NEDD9: variants seen among roughly 807,000 people sequenced by gnomAD.
NEDD9 encodes the protein neural precursor cell expressed, developmentally down-regulated 9.
NEDD9 carries 26 observed loss-of-function variants against 76.6 expected under a neutral mutation model. The observed-to-expected ratio is 0.34, with a 90% confidence interval of 0.25 to 0.47. NEDD9 has a LOEUF of 0.47. NEDD9 is among the 20% of genes least tolerant of loss of function. The pLI is 1.00. For synonymous variants in NEDD9, 392 were observed against 414.2 expected (o/e 0.95, Z 0.65); for missense variants, 937 against 1,058.5 (o/e 0.89, Z 1.59).
chr6:11,355,475 A>G (rs1198426387), intron 1 of NEDD9, among the ~76,000 whole-genome samples: 2 of 152,176 alleles, frequency 1.3e-5, no homozygotes, highest in Non-Finnish European at 2.9e-5. Flanking sequence ...GAAGTCTCCG[A>G]CCTAGGGTGA....
chr6:11,297,473 C>T (rs1272640535), intron 3 of NEDD9, among the ~76,000 whole-genome samples: 1 of 152,202 alleles, frequency 6.6e-6, no homozygotes, highest in African/African-American at 2.4e-5. Flanking sequence ...TCCATGCCTT[C>T]ACTCATGGTG....
At chr6:11,205,117 G>A (rs1315559490) in intron 2 of NEDD9, among the ~76,000 whole-genome samples, 1 of 152,224 alleles carries the variant, frequency 6.6e-6, no homozygotes, top group Non-Finnish European at 1.5e-5. Context: ...TAGCATTGGA[G>A]TCAGACAGAC....
At chr6:11,311,996 T>C (rs4713397) in intron 2 of NEDD9, among the ~76,000 whole-genome samples, 11,924 of 152,232 alleles carry the variant, frequency 0.078, 600 homozygotes, top group Admixed American at 0.16. Context: ...TGCTAGTCTG[T>C]CTGGGTGTTT....
chr6:11,276,626 T>G (rs1760422399), intron 3 of NEDD9, among the ~76,000 whole-genome samples: 1 of 152,024 alleles, frequency 6.6e-6, no homozygotes, highest in African/African-American at 2.4e-5. Context: ...CTCATTAGGA[T>G]TTTTTTTAAC....
chr6:11,312,976 G>T (rs1357709588), intron 2 of NEDD9, among the ~76,000 whole-genome samples: 1 of 152,108 alleles, frequency 6.6e-6, no homozygotes, highest in African/African-American at 2.4e-5. Flanking sequence ...AATTCTTAAG[G>T]TGACTCATAA....
intron 3 of NEDD9, among the ~76,000 whole-genome samples, chr6:11,255,902 T>C (rs1306960504): frequency 1.3e-5 from 2 of 152,118 alleles, no homozygotes; most frequent in Non-Finnish European, 2.9e-5. Flanking sequence ...TGCAGAAATT[T>C]GGGCAGAAGT....
rs1377583566 is a variant in NEDD9, at chr6:11,370,543, TC to T, written c.-214+11595del. Among the ~76,000 whole-genome samples the T allele has an allele frequency of 6.6e-6, 1 of 152,120 alleles. No homozygotes were observed. Among genetic ancestry groups the T allele is most frequent in the Non-Finnish European group, 1.5e-5 (1 of 68,028 alleles). ...AGGCTCTCCTCAAGCCGCCTTTTCTTCCCCTCACAATCTCCTCATGCTTTTC... is the reference window on the plus strand; with the variant it reads ...AGGCTCTCCTCAAGCCGCCTTTTCTTCCCTCACAATCTCCTCATGCTTTTC... On this transcript the variant is annotated intron_variant, in intron 1 of 3. Coordinates refer to the NEDD9 transcript ENST00000397378. The surrounding 1 kb of genome is among the most constrained non-coding windows in gnomAD (Gnocchi z 4.2).
chr6:11,248,977 G>A, intron 3 of NEDD9: 1 of 388,614 alleles, frequency 2.6e-6, no homozygotes, highest in South Asian at 1.9e-5. Context: ...TCTCTCCCCA[G>A]AGTCCACAGT....
chr6:11,354,129 T>C (rs1178886468), intron 1 of NEDD9, among the ~76,000 whole-genome samples: 1 of 152,178 alleles, frequency 6.6e-6, no homozygotes, highest in Non-Finnish European at 1.5e-5. Context: ...TGAAATACTG[T>C]GGTTTGAACA....
intron 3 of NEDD9, among the ~76,000 whole-genome samples, chr6:11,261,821 G>C (rs906482793): frequency 2.0e-5 from 3 of 151,878 alleles, no homozygotes; most frequent in Non-Finnish European, 4.4e-5. Context: ...CTAAAAGTCT[G>C]TGTGCAGTGA....
chr6:11,279,408 A>G (rs1488032201), intron 3 of NEDD9, among the ~76,000 whole-genome samples: 3 of 152,220 alleles, frequency 2.0e-5, no homozygotes, highest in Non-Finnish European at 4.4e-5. Context: ...TGGCAAAAAC[A>G]GAGGACGATG....
At chr6:11,367,829 A>G (rs1157961493) in intron 1 of NEDD9, among the ~76,000 whole-genome samples, 1 of 152,160 alleles carries the variant, frequency 6.6e-6, no homozygotes, top group East Asian at 1.9e-4. Context: ...AATTGCTTAA[A>G]CCTAGCTACT....
chr6:11,303,120 T>C (rs1761095604), intron 3 of NEDD9, among the ~76,000 whole-genome samples: 1 of 152,180 alleles, frequency 6.6e-6, no homozygotes, highest in Admixed American at 6.5e-5. Flanking sequence ...GAAAACCCCA[T>C]TGTCTCAGCC....
chr6:11,214,919 C>G (rs1758905486), intron 1 of NEDD9, among the ~76,000 whole-genome samples: 2 of 152,118 alleles, frequency 1.3e-5, no homozygotes, highest in African/African-American at 4.8e-5. Context: ...TATTTTATAC[C>G]ATGACATATT....
intron 1 of NEDD9, among the ~76,000 whole-genome samples, chr6:11,359,682 T>C (rs1293700152): frequency 2.6e-5 from 4 of 152,238 alleles, no homozygotes; most frequent in African/African-American, 9.6e-5. Context: ...TAGAATACTT[T>C]TCTCTTTCAT....
intron 6 of NEDD9, 52 bp downstream of exon 6, chr6:11,188,166 T>TAG: frequency 7.6e-7 from 1 of 1,320,646 alleles, no homozygotes. Context: ...TCCTTAGTGC[T>TAG]AGGTGGGAAA....
At chr6:11,194,703 C>T (rs2113725667) in intron 2 of NEDD9, among the ~76,000 whole-genome samples, 1 of 152,292 alleles carries the variant, frequency 6.6e-6, no homozygotes, top group Non-Finnish European at 1.5e-5. Context: ...CCAACAGTAC[C>T]TACGTCAAGG....
chr6:11,334,722 C>T (rs763385872), intron 1 of NEDD9, among the ~76,000 whole-genome samples: 14 of 152,284 alleles, frequency 9.2e-5, no homozygotes, highest in African/African-American at 3.4e-4. Flanking sequence ...TTACTACTTG[C>T]TGTTTATTTT....
intron 3 of NEDD9, among the ~76,000 whole-genome samples, chr6:11,276,969 A>T (rs750387553): frequency 9.4e-5 from 14 of 148,870 alleles, no homozygotes; most frequent in Non-Finnish European, 1.3e-4. Context: ...AAACAAACAA[A>T]CTAGTGATGG....
Sources: allele counts gnomAD v4.1 joint callset (sites outside exome capture counted in the v4.1 genomes callset), GRCh38; gene constraint gnomAD v4.1.1; non-coding constraint Gnocchi (gnomAD v3.1); transcripts MANE v1.5; gene names NCBI Gene and HGNC (gene_info 2026-07-23, HGNC 2026-07-21).